MYO15B: variants seen among roughly 807,000 people sequenced by gnomAD.
MYO15B encodes myosin XVB.
A neutral mutation model predicts 119.3 loss-of-function variants in MYO15B; 207 were observed. The ratio of observed to expected loss-of-function variants is 1.73; its 90% CI spans 1.55 to 1.95. MYO15B has a LOEUF of 1.95. Ranked by LOEUF, MYO15B falls within the 30% of genes most tolerant of loss-of-function variation. The pLI is 0.00. For missense variants in MYO15B, 2,264 were observed against 1,203.1 expected, an observed-to-expected ratio of 1.88 and a Z score of -13.04; for synonymous variants, 966 against 498.9, an observed-to-expected ratio of 1.94 and a Z score of -12.48.
chr17:75,626,268 G>T (rs1198289026), intron 63 of MYO15B, 40 bp downstream of exon 63: 1 of 700,746 alleles, frequency 1.4e-6, no homozygotes, highest in Non-Finnish European at 2.6e-6. Context: ...GAAGGTGGAT[G>T]TGAGGGCCTT....
rs1335571223 is a variant in MYO15B at position 75,591,168 on chromosome 17, T to A, written c.2361-4T>A. On this transcript the variant is annotated splice_region_variant and splice_polypyrimidine_tract_variant and intron_variant, in intron 3 of 63. Coordinates refer to ENST00000645453, the Ensembl canonical transcript of MYO15B. ...ATGTCTGGCAACCTTCTCATCTCCCTCAGACACATCTTTGCCATCGTGGCA... is the reference window on the plus strand; with the variant it reads ...ATGTCTGGCAACCTTCTCATCTCCCACAGACACATCTTTGCCATCGTGGCA... The A allele has an allele frequency of 8.5e-6, 6 of 702,918 alleles. No individual in the cohort carries two copies. In the South Asian group the frequency reaches 8.9e-5, roughly 10 times the overall value. The allele number at this position is 702,918 out of a possible 1,614,324, so 43.5% of individuals were successfully genotyped here.
At chr17:75,591,080 C>A in intron 3 of MYO15B, 64 bp downstream of exon 3, 1 of 691,134 alleles carries the variant, frequency 1.4e-6, no homozygotes, top group Admixed American at 2.0e-5. Context: ...CTGCATGTCC[C>A]CTTGACTGAG....
At position 75,616,401 on chromosome 17, in the gene MYO15B, G is replaced by A. The variant is rs778281146; in HGVS notation, c.6199G>A (p.Glu2067Lys). The change falls in exon 38 of 64, where the codon GAG becomes AAG. Residue 2067 changes from glutamate (E) to lysine (K), a missense_variant. Coordinates refer to ENST00000645453, the Ensembl canonical transcript of MYO15B. ...AGCGCAGGAGGAGGAGGAGGAGGAG[G>A]AGGAGGAGGAGGAGCAGGAGGAGCA... 1.4e-5 allele frequency: 9 copies of A among 623,738 alleles called. No homozygotes were observed. The East Asian group carries it at 1.6e-4, about 11-fold the overall frequency. 38.6% of individuals were successfully genotyped at this position (623,738 alleles called of 1,614,324 possible). A position where few individuals can be genotyped will look rare whatever the true frequency, so the allele number is the denominator to read the frequency against.
intron 63 of MYO15B, 30 bp from the exon 64 acceptor site, chr17:75,626,377 C>T: frequency 1.4e-6 from 1 of 702,944 alleles, no homozygotes; most frequent in Non-Finnish European, 2.6e-6. Flanking sequence ...GGCTGGGGAG[C>T]CCTCTTGTAA....
chr17:75,625,319 T>C (rs2058975259), intron 60 of MYO15B, 81 bp downstream of exon 60: 1 of 644,612 alleles, frequency 1.6e-6, no homozygotes, highest in Non-Finnish European at 2.8e-6. Flanking sequence ...TTCCTGGCCC[T>C]AAATGGACTG....
chr17:75,591,387 G>A (rs1598693943), intron 4 of MYO15B, 141 bp downstream of exon 4: 3 of 619,940 alleles, frequency 4.8e-6, no homozygotes, highest in East Asian at 5.5e-5. Flanking sequence ...CCGAGCTCCT[G>A]GCTGAAATCA....
chr17:75,620,957 G>A (rs1002543074), intron 49 of MYO15B, 74 bp from the exon 50 acceptor site: 5 of 702,740 alleles, frequency 7.1e-6, no homozygotes, highest in Admixed American at 2.0e-5. Flanking sequence ...GGCTGGGGAG[G>A]GATGGGGCTG....
At chr17:75,622,391 AGAG>A (rs1418431514) in intron 53 of MYO15B, among the ~76,000 whole-genome samples, 1 of 152,182 alleles carries the variant, frequency 6.6e-6, no homozygotes, top group African/African-American at 2.4e-5. Flanking sequence ...ACGGGGTGAC[AGAG>A]AAGGGCAGGC....
chr17:75,615,285 T>C (rs1231259212), exon 34 of MYO15B: 2 of 702,616 alleles, frequency 2.8e-6, no homozygotes, highest in Non-Finnish European at 5.2e-6. Flanking sequence ...CCAGGCATGG[T>C]CCCTGCACCC....
chr17:75,588,998 C>T, exon 1 of MYO15B: 1 of 397,942 alleles, frequency 2.5e-6, no homozygotes, highest in Non-Finnish European at 4.4e-6. Context: ...GTGCCAGCGG[C>T]GGCAGGCGAG....
chr17:75,593,890 G>C (rs532284019), intron 9 of MYO15B, among the ~76,000 whole-genome samples: 3 of 145,612 alleles, frequency 2.1e-5, no homozygotes, highest in African/African-American at 7.6e-5. Context: ...TTGCACTCCA[G>C]CCTGAGCAAC....
chr17:75,626,367 G>A (rs929551212), intron 63 of MYO15B, 40 bp from the exon 64 acceptor site: 1 of 702,780 alleles, frequency 1.4e-6, no homozygotes, highest in African/African-American at 1.7e-5. Context: ...GCGAGGGGCT[G>A]GCTGGGGAGC....
chr17:75,601,615 T>C, intron 15 of MYO15B, 52 bp downstream of exon 15: 1 of 684,676 alleles, frequency 1.5e-6, no homozygotes, highest in South Asian at 1.5e-5. Flanking sequence ...CAGTGTCCCC[T>C]CCCAAGCTGA....
At chr17:75,597,050 C>T (rs1048586226) in intron 14 of MYO15B, among the ~76,000 whole-genome samples, 151 bp downstream of exon 14, 6 of 152,190 alleles carry the variant, frequency 3.9e-5, no homozygotes, top group Non-Finnish European at 1.5e-5. Context: ...CCTGGGACAG[C>T]AGCAGCGAAG....
chr17:75,620,529 G>A (rs762217587), exon 49 of MYO15B: 247 of 702,824 alleles, frequency 3.5e-4, no homozygotes, highest in Middle Eastern at 6.9e-4. Context: ...AGTGCAGCCG[G>A]CTGCCGCTCC....
At chr17:75,615,322 A>C in exon 34 of MYO15B, 1 of 702,466 alleles carries the variant, frequency 1.4e-6, no homozygotes, top group Non-Finnish European at 2.6e-6. Flanking sequence ...CAATGGGCAC[A>C]GTCCCTGCCA....
At chr17:75,618,837 C>T (rs1409815279) in intron 43 of MYO15B, among the ~76,000 whole-genome samples, 1 of 152,222 alleles carries the variant, frequency 6.6e-6, no homozygotes, top group Non-Finnish European at 1.5e-5. Flanking sequence ...TAGCACCTGC[C>T]CCCTGCCCCG....
Position 75,615,344 on chromosome 17 carries a change from T to G in MYO15B, c.5740+6T>G. 1.4e-6 allele frequency: 1 copy of G among 701,782 alleles called. No individual in the cohort carries two copies. The highest frequency in any genetic ancestry group is 2.6e-6 in the Non-Finnish European group (1 of 384,332). 43.5% of individuals were successfully genotyped at this position (701,782 alleles called of 1,614,324 possible). ...CACAGTCCCTGCCATGCCAGGTAAG[T>G]CTGGGCTGGGGGCACCAGAGTCCCT... is the stretch of plus-strand genomic sequence containing the variant. On this transcript the variant is annotated splice_donor_region_variant and intron_variant, in intron 34 of 63. Coordinates refer to ENST00000645453, the Ensembl canonical transcript of MYO15B.
chr17:75,617,372 C>A, intron 41 of MYO15B, 68 bp downstream of exon 41: 2 of 573,664 alleles, frequency 3.5e-6, no homozygotes, highest in South Asian at 2.1e-5. Flanking sequence ...CACAGACTCT[C>A]GGTGCCCAGG....
Sources: allele counts gnomAD v4.1 joint callset (sites outside exome capture counted in the v4.1 genomes callset), GRCh38; gene constraint gnomAD v4.1.1; transcripts MANE v1.5; gene names NCBI Gene and HGNC (gene_info 2026-07-23, HGNC 2026-07-21).